The following TAMM41 variants were observed in gnomAD, a reference collection of about 807,000 sequenced individuals.
The protein encoded by TAMM41 is phosphatidate cytidylyltransferase, mitochondrial.
A neutral mutation model predicts 44.1 loss-of-function variants in TAMM41; 36 were observed. The observed-to-expected ratio is 0.82, with a 90% CI of 0.63 to 1.08. The LOEUF is 1.08. Ranked by LOEUF, TAMM41 falls within the 50% of genes least tolerant of loss-of-function variation. The pLI, the probability that TAMM41 is intolerant of heterozygous loss-of-function variation, is 0.00. For missense variants in TAMM41, 417 were observed against 404.3 expected (o/e 1.03, Z -0.27); for synonymous variants, 164 against 153.1 (o/e 1.07, Z -0.53).
At chr3:11,845,223 A>G (rs2079629572) in intron 1 of TAMM41, 1 of 334,948 alleles carries the variant, frequency 3.0e-6, no homozygotes, top group Non-Finnish European at 5.8e-6. Flanking sequence ...GGGGAATTAG[A>G]TCTGAAGCCA....
At chr3:11,767,626 A>ATTCTTTTTTTTTTTTTTTTTTTT in the TAMM41 span, among the ~76,000 whole-genome samples, 1 of 60,692 alleles carries the variant, frequency 1.6e-5, no homozygotes, top group African/African-American at 7.5e-5. Flanking sequence ...CACGTTGTGC[A>ATTCTTTTTTTTTTTTTTTTTTTT]TTTTTTTTTT....
In TAMM41 at chr3:11,844,104, G is replaced by A; in HGVS notation, c.243C>T (p.Pro81=). ...SHYSFLKVLG[P]KIITSIQNNY... ...TATTCTGGATGGACGTGATAATCTT[G>A]GGCCCTAAAACTTTTAGGAAAGAGT... Residue 81 remains proline, a synonymous_variant, in exon 2 of 8, where the codon CCC becomes CCT. Transcript: ENST00000455809. 6.2e-7 allele frequency: 1 copy of A among 1,614,158 alleles called. No individual in the cohort carries two copies. Among genetic ancestry groups the A allele is most frequent in the Non-Finnish European group, 8.5e-7 (1 of 1,180,016 alleles).
chr3:11,834,028 A>G (rs1471660288), intron 3 of TAMM41, among the ~76,000 whole-genome samples: 2 of 152,160 alleles, frequency 1.3e-5, no homozygotes, highest in Non-Finnish European at 2.9e-5. Flanking sequence ...GGATCCCTTC[A>G]GCCCAGGAGT....
the TAMM41 span, among the ~76,000 whole-genome samples, chr3:11,755,792 C>T: frequency 6.6e-6 from 1 of 152,194 alleles, no homozygotes; most frequent in African/African-American, 2.4e-5. Flanking sequence ...CCAGAACCGG[C>T]TCTTACACTC....
chr3:11,839,764 G>GA (rs2079352513), intron 2 of TAMM41, among the ~76,000 whole-genome samples: 1 of 152,138 alleles, frequency 6.6e-6, no homozygotes, highest in South Asian at 2.1e-4. Context: ...TAAAACTAAT[G>GA]AAAGTCCACA....
At chr3:11,744,560 T>C in the TAMM41 span, among the ~76,000 whole-genome samples, 7 of 151,954 alleles carry the variant, frequency 4.6e-5, no homozygotes, top group South Asian at 1.5e-3. Context: ...CCAGGCATGG[T>C]GGCACGCACC....
the TAMM41 span, among the ~76,000 whole-genome samples, chr3:11,729,521 CTTTCTTTTCTTTCTTTCATTTTTTT>C: frequency 7.2e-4 from 68 of 93,990 alleles, 2 homozygotes; most frequent in Admixed American, 1.1e-3. Flanking sequence ...TTCTTTCTTT[CTTTCTTTTCTTTCTTTCATTTTTTT>C]TTTTTTTTTT....
the TAMM41 span, among the ~76,000 whole-genome samples, chr3:11,733,659 AT>A: frequency 4.0e-5 from 6 of 150,972 alleles, no homozygotes; most frequent in Admixed American, 3.3e-4. Flanking sequence ...CACCGGGCTC[AT>A]TTTTTTTCGT....
chr3:11,733,410 A>G, the TAMM41 span, among the ~76,000 whole-genome samples: 1 of 152,164 alleles, frequency 6.6e-6, no homozygotes, highest in Non-Finnish European at 1.5e-5. Context: ...TGGCTGAGGC[A>G]TAATGCTAGT....
At chr3:11,799,455 C>T (rs1846205) in intron 7 of TAMM41, among the ~76,000 whole-genome samples, 57,388 of 151,980 alleles carry the variant, frequency 0.38, 11,332 homozygotes, top group Admixed American at 0.48. Context: ...ACCTTTGTCA[C>T]AGCCCTTGGC....
the TAMM41 span, among the ~76,000 whole-genome samples, chr3:11,784,602 C>A: frequency 6.6e-6 from 1 of 152,136 alleles, no homozygotes; most frequent in Admixed American, 6.5e-5. Context: ...GTATTTTTAA[C>A]CCCTTCCCTT....
the TAMM41 span, among the ~76,000 whole-genome samples, chr3:11,773,522 C>T: frequency 1.3e-5 from 2 of 152,046 alleles, no homozygotes; most frequent in Admixed American, 6.6e-5. Flanking sequence ...TGCCCAGCCC[C>T]ACCCCGACAT....
chr3:11,796,968 T>C (rs1332270605), intron 7 of TAMM41, among the ~76,000 whole-genome samples: 6 of 152,164 alleles, frequency 3.9e-5, no homozygotes, highest in Non-Finnish European at 7.4e-5. Flanking sequence ...CAAGGAGAAC[T>C]ACAAAACACT....
At chr3:11,778,534 C>T in the TAMM41 span, among the ~76,000 whole-genome samples, 5 of 152,310 alleles carry the variant, frequency 3.3e-5, no homozygotes, top group East Asian at 1.9e-4. Flanking sequence ...CAGCAACTGC[C>T]CCACTTCACA....
chr3:11,795,115 G>A (rs1366075190), intron 7 of TAMM41, among the ~76,000 whole-genome samples: 1 of 152,150 alleles, frequency 6.6e-6, no homozygotes, highest in Non-Finnish European at 1.5e-5. Context: ...TCCCGGAAAA[G>A]GCTGGTAAGG....
At chr3:11,774,447 G>A in the TAMM41 span, among the ~76,000 whole-genome samples, 1 of 152,156 alleles carries the variant, frequency 6.6e-6, no homozygotes, top group Non-Finnish European at 1.5e-5. Context: ...TTACCTAGAT[G>A]GCCAGGCTAG....
At chr3:11,756,865 CAA>C in the TAMM41 span, among the ~76,000 whole-genome samples, 6 of 131,500 alleles carry the variant, frequency 4.6e-5, no homozygotes, top group Admixed American at 8.0e-5. Flanking sequence ...AATTCCGTCT[CAA>C]AAAAAAAAAA....
the TAMM41 span, among the ~76,000 whole-genome samples, chr3:11,774,876 T>TC: frequency 6.6e-6 from 1 of 151,522 alleles, no homozygotes; most frequent in African/African-American, 2.4e-5. Context: ...AAGCATTTTT[T>TC]TTTTTTTTTT....
chr3:11,846,560 A>T lies in TAMM41; in HGVS notation c.77T>A (p.Leu26Gln). 1 of 1,614,228 alleles carries T rather than the reference A, an allele frequency of 6.2e-7. No homozygotes were observed. Among genetic ancestry groups the T allele is most frequent in the South Asian group, 1.1e-5 (1 of 91,090 alleles). Residue 26 changes from leucine (L) to glutamine (Q), a missense_variant, in exon 1 of 8, where the codon CTG becomes CAG. By Grantham distance (113) the Leu-to-Gln change is moderately radical (BLOSUM62 -2). Transcript: ENST00000455809. ...CACCCCGGAGCCGTAGACGAAAGCC[A>T]GACTCAGCTCCTCGGGGAAGTGAGA... ...ILSHFPEELS[L>Q]AFVYGSGVYR...
Sources: allele counts gnomAD v4.1 joint callset (sites outside exome capture counted in the v4.1 genomes callset), GRCh38; gene constraint gnomAD v4.1.1; transcripts MANE v1.5; gene names NCBI Gene and HGNC (gene_info 2026-07-23, HGNC 2026-07-21).